Variants in SPIDR observed in about 807,000 individuals in gnomAD.
SPIDR encodes scaffold protein involved in DNA repair.
Under a neutral mutation model 104.6 loss-of-function variants are expected in SPIDR, and 93 were observed. The ratio of observed to expected loss-of-function variants is 0.89; its 90% CI spans 0.75 to 1.06. SPIDR has a LOEUF of 1.06. Among genes scored for constraint, SPIDR ranks in the 50% least tolerant of loss-of-function variants. The pLI is 0.00. For missense variants in SPIDR, 1,154 were observed against 1,111.2 expected, an observed-to-expected ratio of 1.04 and a Z score of -0.55; for synonymous variants, 431 against 416.9, an observed-to-expected ratio of 1.03 and a Z score of -0.41.
intron 8 of SPIDR, among the ~76,000 whole-genome samples, chr8:47,463,926 C>T (rs1196014370): frequency 6.6e-6 from 1 of 152,154 alleles, no homozygotes; most frequent in Non-Finnish European, 1.5e-5. Context: ...AACTTAGAAG[C>T]TTTCCCTCTA....
intron 8 of SPIDR, among the ~76,000 whole-genome samples, chr8:47,504,091 G>A (rs151289400): frequency 0.011 from 1,733 of 152,222 alleles, 35 homozygotes; most frequent in African/African-American, 0.04. Flanking sequence ...TTCAACCTTG[G>A]TGAATCTGAC....
intron 8 of SPIDR, among the ~76,000 whole-genome samples, chr8:47,448,712 G>A (rs542416391): frequency 6.8e-4 from 103 of 152,088 alleles, no homozygotes; most frequent in Non-Finnish European, 1.2e-3. Context: ...CAGACCGAGA[G>A]ATAGGGTGTC....
At chr8:47,536,665 A>G (rs562365268) in intron 8 of SPIDR, among the ~76,000 whole-genome samples, 2 of 152,342 alleles carry the variant, frequency 1.3e-5, no homozygotes, top group African/African-American at 4.8e-5. Context: ...AAACTAGAAT[A>G]TAAGATAGAA....
chr8:47,386,910 GATATA>G (rs782791076), intron 5 of SPIDR, among the ~76,000 whole-genome samples: 389 of 25,150 alleles, frequency 0.015, 14 homozygotes, highest in East Asian at 0.11. Flanking sequence ...GAGAGATATA[GATATA>G]GATATAGATA....
At chr8:47,430,967 CAG>C (rs1239523010) in intron 7 of SPIDR, among the ~76,000 whole-genome samples, 6 of 152,200 alleles carry the variant, frequency 3.9e-5, no homozygotes, top group African/African-American at 1.4e-4. Context: ...TCATCAGTGT[CAG>C]TGTGTGTGTT....
chr8:47,485,962 T>C (rs1232063600), intron 8 of SPIDR, among the ~76,000 whole-genome samples: 2 of 152,172 alleles, frequency 1.3e-5, no homozygotes, highest in Non-Finnish European at 2.9e-5. Context: ...TCTAAAGGAA[T>C]GCAGCTCCTC....
At chr8:47,518,799 G>A (rs528986357) in intron 8 of SPIDR, among the ~76,000 whole-genome samples, 18 of 151,956 alleles carry the variant, frequency 1.2e-4, no homozygotes, top group African/African-American at 4.3e-4. Flanking sequence ...ACCACGCCTG[G>A]CTAGTTTTTG....
intron 10 of SPIDR, among the ~76,000 whole-genome samples, chr8:47,670,906 A>C (rs2075701183): frequency 6.6e-6 from 1 of 152,072 alleles, no homozygotes; most frequent in South Asian, 2.1e-4. Context: ...GTAATTTAGA[A>C]ATCATTTTAT....
At chr8:47,298,111 C>T (rs2041249561) in intron 5 of SPIDR, among the ~76,000 whole-genome samples, 1 of 152,212 alleles carries the variant, frequency 6.6e-6, no homozygotes, top group Non-Finnish European at 1.5e-5. Context: ...ACATCCTCTC[C>T]AGTACCTGTT....
At chr8:47,396,142 G>C (rs1483086374) in intron 5 of SPIDR, among the ~76,000 whole-genome samples, 1 of 152,122 alleles carries the variant, frequency 6.6e-6, no homozygotes, top group African/African-American at 2.4e-5. Context: ...ACTTATTTTT[G>C]TGGGTTCTGT....
intron 11 of SPIDR, 29 bp downstream of exon 11, chr8:47,673,970 T>G (rs1339055312): frequency 6.2e-7 from 1 of 1,601,150 alleles, no homozygotes; most frequent in Non-Finnish European, 8.5e-7. Flanking sequence ...GGCATCCAAT[T>G]TGCTACAATT....
chr8:47,547,335 GA>G (rs1337624192), intron 8 of SPIDR: 19 of 506,820 alleles, frequency 3.7e-5, no homozygotes, highest in Admixed American at 1.1e-4. Context: ...TGACATCTAT[GA>G]ATCCAGCAGG....
intron 5 of SPIDR, among the ~76,000 whole-genome samples, chr8:47,329,355 G>C (rs1254759674): frequency 6.6e-6 from 1 of 152,178 alleles, no homozygotes; most frequent in Admixed American, 6.5e-5. Context: ...ACAGGCGTGA[G>C]CCACCGCGCC....
chr8:47,415,563 G>A (rs1306430998), intron 7 of SPIDR, among the ~76,000 whole-genome samples: 2 of 152,174 alleles, frequency 1.3e-5, no homozygotes, highest in Non-Finnish European at 2.9e-5. Context: ...ATTAGGTCAT[G>A]AGGTGGAGCC....
At chr8:47,264,138 C>A (rs2033303163) in intron 1 of SPIDR, among the ~76,000 whole-genome samples, 1 of 152,164 alleles carries the variant, frequency 6.6e-6, no homozygotes, top group Non-Finnish European at 1.5e-5. Flanking sequence ...TTTGGACAAG[C>A]CACACAGATA....
intron 16 of SPIDR, among the ~76,000 whole-genome samples, chr8:47,724,822 C>G (rs2083965029): frequency 6.6e-6 from 1 of 152,186 alleles, no homozygotes; most frequent in African/African-American, 2.4e-5. Flanking sequence ...CTCCTCGTCT[C>G]TATTCTCCCT....
intron 11 of SPIDR, among the ~76,000 whole-genome samples, chr8:47,692,087 A>T (rs2632504): frequency 0.99 from 151,404 of 152,366 alleles, 75,231 homozygotes; most frequent in Middle Eastern, 1. Context: ...TAGCAATGGA[A>T]GTATTTCAGG....
At chr8:47,735,212 A>C in intron 19 of SPIDR, 95 bp from the exon 20 acceptor site, 1 of 1,204,270 alleles carries the variant, frequency 8.3e-7, no homozygotes, top group East Asian at 2.3e-5. Flanking sequence ...GACTGGGGAA[A>C]GGGCCTTCCA....
At chr8:47,328,012 G>T (rs567408298) in intron 5 of SPIDR, among the ~76,000 whole-genome samples, 26 of 142,626 alleles carry the variant, frequency 1.8e-4, no homozygotes, top group East Asian at 1.0e-3. Flanking sequence ...TTTTTTTTTG[G>T]TTTTTTTTTT....
Sources: allele counts gnomAD v4.1 joint callset (sites outside exome capture counted in the v4.1 genomes callset), GRCh38; gene constraint gnomAD v4.1.1; transcripts MANE v1.5; gene names NCBI Gene and HGNC (gene_info 2026-07-23, HGNC 2026-07-21).